Variants in CHRDL1 observed in about 807,000 individuals in gnomAD.
The protein encoded by CHRDL1 is chordin-like protein 1.
In CHRDL1, 19 loss-of-function variants were observed where a neutral mutation model predicts 40.9. The observed-to-expected ratio is 0.46, with a 90% CI of 0.32 to 0.68. The LOEUF (loss-of-function observed/expected upper bound fraction) is 0.68, where lower values mean the gene tolerates loss of function less well. CHRDL1 is among the 30% of genes least tolerant of loss of function. The probability of loss-of-function intolerance (pLI) is 0.03; values close to 1 mark genes in which losing one functional copy is unlikely to be tolerated. For synonymous variants in CHRDL1, 136 were observed against 123.4 expected, an observed-to-expected ratio of 1.10 and a Z score of -0.68; for missense variants, 329 against 352.1, an observed-to-expected ratio of 0.93 and a Z score of 0.53.
At chrX:110,707,246 C>A (rs1440735317) in intron 6 of CHRDL1, among the ~76,000 whole-genome samples, 1 of 111,761 alleles carries the variant, frequency 8.9e-6, no homozygotes, top group African/African-American at 3.3e-5. Context: ...TACAACAATA[C>A]AAGAAATCTG....
intron 9 of CHRDL1, among the ~76,000 whole-genome samples, chrX:110,688,125 G>A (rs776259943): frequency 2.1e-4 from 24 of 111,685 alleles, no homozygotes; most frequent in African/African-American, 7.1e-4. Flanking sequence ...TAAGGCTGAT[G>A]AGGCTCAGAA....
intron 4 of CHRDL1, among the ~76,000 whole-genome samples, chrX:110,740,463 T>C (rs768169785): frequency 2.3e-4 from 26 of 112,052 alleles, no homozygotes; most frequent in African/African-American, 8.1e-4. Context: ...GGAACTAAAT[T>C]CCCGATGGTG....
intron 3 of CHRDL1, among the ~76,000 whole-genome samples, chrX:110,761,679 C>T (rs907491848): frequency 1.7e-4 from 19 of 111,718 alleles, no homozygotes; most frequent in African/African-American, 5.2e-4. Flanking sequence ...TCCCACAATG[C>T]GCAGGACAGC....
chrX:110,701,593 C>G (rs1025643638), intron 6 of CHRDL1, among the ~76,000 whole-genome samples: 1 of 111,653 alleles, frequency 9.0e-6, no homozygotes, highest in African/African-American at 3.3e-5. Flanking sequence ...GTAGGCAGAT[C>G]ACTTGAGCTC....
intron 10 of CHRDL1, among the ~76,000 whole-genome samples, chrX:110,680,729 C>T (rs2069878692): frequency 8.9e-6 from 1 of 112,067 alleles, no homozygotes; most frequent in African/African-American, 3.3e-5. Context: ...CACTTATCCA[C>T]TTGGATTGTG....
intron 7 of CHRDL1, among the ~76,000 whole-genome samples, chrX:110,695,244 C>T (rs2070362786): frequency 9.0e-6 from 1 of 111,610 alleles, no homozygotes; most frequent in Non-Finnish European, 1.9e-5. Context: ...ATTGATAGTA[C>T]ATGACAGTAT....
At chrX:110,723,966 C>A (rs1260549770) in intron 4 of CHRDL1, among the ~76,000 whole-genome samples, 1 of 112,326 alleles carries the variant, frequency 8.9e-6, no homozygotes, top group Non-Finnish European at 1.9e-5. Flanking sequence ...TCTGTCTGGG[C>A]TAAGAGGCCC....
At chrX:110,702,749 T>A (rs1434684539) in intron 6 of CHRDL1, among the ~76,000 whole-genome samples, 2 of 111,802 alleles carry the variant, frequency 1.8e-5, no homozygotes, top group Non-Finnish European at 3.8e-5. Flanking sequence ...GCTCTTTGCT[T>A]TTTCTCCTTA....
Position 110,676,051 on chromosome X carries a change from T to G in CHRDL1, c.*180A>C, listed in dbSNP as rs2069770340. The G allele has an allele frequency of 2.6e-6, 1 of 380,364 alleles. No individual in the cohort carries two copies. Among genetic ancestry groups the G allele is most frequent in the African/African-American group, 2.6e-5 (1 of 38,256 alleles). The allele number at this position is 380,364 out of a possible 1,213,427, so 31.3% of individuals were successfully genotyped here. ...ACTCTTCTAGTCTCTTTGGAGGAGA[T>G]GTTCAAGGGCTGACACACCACTCCA... On this transcript the variant is annotated 3_prime_UTR_variant, in exon 12 of 12. Coordinates refer to ENST00000372042, the MANE Select transcript of CHRDL1 (RefSeq NM_001143981.2).
intron 2 of CHRDL1, among the ~76,000 whole-genome samples, chrX:110,766,557 A>T (rs779536430): frequency 8.9e-6 from 1 of 111,832 alleles, no homozygotes; most frequent in South Asian, 3.8e-4. Context: ...GACTACTATG[A>T]ACACCTTTAC....
chrX:110,693,757 T>A lies in CHRDL1; in HGVS notation c.778+406A>T, dbSNP rs184062076. Among the ~76,000 whole-genome samples the A allele has an allele frequency of 1.1e-4, 12 of 110,772 alleles. No individual in the cohort carries two copies. In the East Asian group the frequency reaches 3.4e-3, roughly 32 times the overall value. ...GAGCCCCAGGGTAATCTGGGGTGCA[T>A]TGAGGTGTGAGAATTGCTATTTCTA... On this transcript the variant is annotated intron_variant, in intron 8 of 11. Transcript: ENST00000372042.
intron 3 of CHRDL1, among the ~76,000 whole-genome samples, chrX:110,760,578 T>C (rs1299059603): frequency 1.8e-5 from 2 of 111,818 alleles, no homozygotes; most frequent in Admixed American, 9.5e-5. Context: ...TTTGACTGCG[T>C]TGCAGACATC....
In CHRDL1 at chrX:110,689,450, C is replaced by A. The variant is rs770687878; in HGVS notation, c.779-647G>T. On this transcript the variant is annotated intron_variant, in intron 8 of 11. Coordinates refer to ENST00000372042, the MANE Select transcript of CHRDL1 (RefSeq NM_001143981.2). ...TATATATCTATATATCTATATATAT[C>A]TATATATCTATATATATCTATATAT... is the stretch of plus-strand genomic sequence containing the variant. Among the ~76,000 whole-genome samples the A allele has an allele frequency of 2.9e-3, 168 of 58,859 alleles. 26 individuals are homozygous for A. The highest frequency in any genetic ancestry group is 0.027 in the African/African-American group (137 of 5,090). 51.1% of individuals were successfully genotyped at this position (58,859 alleles called of 115,157 possible).
Position 110,758,986 on chromosome X carries a change from C to T in CHRDL1, c.301+675G>A, listed in dbSNP as rs191852129. On this transcript the variant is annotated intron_variant, in intron 4 of 11. Coordinates refer to ENST00000372042, the MANE Select transcript of CHRDL1 (RefSeq NM_001143981.2). ...CAGGCATTCTCTGAATCACTCCACA[C>T]GCTTTTGGGGTGGGAATCGGGCCCC... Among the ~76,000 whole-genome samples the T allele has an allele frequency of 3.4e-4, 38 of 111,762 alleles. 1 individual carries two copies. The East Asian group carries it at 9.3e-3, about 27-fold the overall frequency.
intron 2 of CHRDL1, among the ~76,000 whole-genome samples, chrX:110,775,860 C>T (rs2148524246): frequency 9.1e-6 from 1 of 109,954 alleles, no homozygotes; most frequent in Admixed American, 9.7e-5. Flanking sequence ...CATTTTCTCT[C>T]TTCTCTGAGC....
intron 2 of CHRDL1, among the ~76,000 whole-genome samples, chrX:110,779,236 C>T (rs183011010): frequency 5.4e-5 from 6 of 110,897 alleles, no homozygotes; most frequent in Admixed American, 1.9e-4. Flanking sequence ...GCACATGTAT[C>T]CCTGAACCTA....
intron 2 of CHRDL1, among the ~76,000 whole-genome samples, chrX:110,789,033 T>G (rs1235394173): frequency 9.0e-6 from 1 of 111,313 alleles, no homozygotes; most frequent in East Asian, 2.8e-4. Flanking sequence ...ATTTTAAAAC[T>G]TCTATATGGG....
intron 4 of CHRDL1, among the ~76,000 whole-genome samples, chrX:110,747,409 A>AACACACACACACACACACAC (rs113917102): frequency 1.2e-3 from 112 of 91,221 alleles, no homozygotes; most frequent in African/African-American, 4.4e-3. Flanking sequence ...ATCAAAACAA[A>AACACACACACACACACACAC]ACACACACAC....
At chrX:110,734,590 T>G (rs1603207153) in intron 4 of CHRDL1, among the ~76,000 whole-genome samples, 2 of 112,108 alleles carry the variant, frequency 1.8e-5, no homozygotes, top group South Asian at 7.6e-4. Context: ...AAGGGGACAC[T>G]GCTATTTAGT....
Sources: gnomAD v4.1 joint callset for allele counts (sites outside exome capture counted in the v4.1 genomes callset) on GRCh38, gnomAD v4.1.1 for gene constraint, MANE v1.5 for transcripts, NCBI Gene and HGNC (gene_info 2026-07-23, HGNC 2026-07-21) for gene names.